SERPINI1: variants seen among roughly 807,000 people sequenced by gnomAD.
The protein encoded by SERPINI1 is neuroserpin.
SERPINI1 carries 19 observed loss-of-function variants against 41.1 expected under a neutral mutation model. The ratio of observed to expected loss-of-function variants is 0.46; its 90% confidence interval spans 0.32 to 0.68. The LOEUF is 0.68. Among genes scored for constraint, SERPINI1 ranks in the 30% least tolerant of loss-of-function variants. SERPINI1 has a pLI of 0.03. For missense variants in SERPINI1, 460 were observed against 479.2 expected (o/e 0.96, Z 0.37); for synonymous variants, 138 against 156.6 (o/e 0.88, Z 0.89).
At chr3:167,805,036 G>A (rs1331079066) in intron 5 of SERPINI1, among the ~76,000 whole-genome samples, 1 of 151,894 alleles carries the variant, frequency 6.6e-6, no homozygotes, top group Non-Finnish European at 1.5e-5. Context: ...TTAAAATAAT[G>A]TTTTATTTTT....
chr3:167,815,463 C>T (rs1340870764), intron 6 of SERPINI1, among the ~76,000 whole-genome samples: 1 of 151,680 alleles, frequency 6.6e-6, no homozygotes, highest in Non-Finnish European at 1.5e-5. Context: ...AATCTTGGCT[C>T]ACTGCAACCT....
intron 6 of SERPINI1, among the ~76,000 whole-genome samples, chr3:167,821,825 A>C (rs1243398436): frequency 6.6e-6 from 1 of 152,216 alleles, no homozygotes; most frequent in Non-Finnish European, 1.5e-5. Flanking sequence ...AAGAGAGAAA[A>C]ATTTTAAGGA....
intron 6 of SERPINI1, among the ~76,000 whole-genome samples, chr3:167,808,160 A>ATAAATAAATAAATAAATAAATAAG (rs1388112579): frequency 5.9e-4 from 90 of 151,562 alleles, no homozygotes; most frequent in African/African-American, 2.2e-3. Flanking sequence ...AAATAAATAA[A>ATAAATAAATAAATAAATAAATAAG]TAGTGGTTTT....
chr3:167,766,108 G>A (rs151014653), intron 1 of SERPINI1, among the ~76,000 whole-genome samples: 1,564 of 151,510 alleles, frequency 0.01, 26 homozygotes, highest in African/African-American at 0.036. Context: ...TTCCAAAGTC[G>A]CTTCCACATT....
At chr3:167,763,434 T>C (rs1163529872) in intron 1 of SERPINI1, among the ~76,000 whole-genome samples, 1 of 151,470 alleles carries the variant, frequency 6.6e-6, no homozygotes, top group Non-Finnish European at 1.5e-5. Flanking sequence ...GGCTCAAGTG[T>C]AGCGGTGTGA....
intron 4 of SERPINI1, 106 bp downstream of exon 4, chr3:167,792,890 G>T (rs1727578542): frequency 1.0e-6 from 1 of 970,736 alleles, no homozygotes. Context: ...TCTAATTTGG[G>T]CTACAATTCA....
intron 1 of SERPINI1, among the ~76,000 whole-genome samples, chr3:167,739,467 T>C (rs1343569449): frequency 4.6e-5 from 7 of 152,334 alleles, no homozygotes; most frequent in Admixed American, 6.5e-5. Flanking sequence ...ACAATTGGAT[T>C]CACACTGTGT....
chr3:167,817,972 C>G (rs1303828563), intron 6 of SERPINI1, among the ~76,000 whole-genome samples: 1 of 151,914 alleles, frequency 6.6e-6, no homozygotes, highest in East Asian at 1.9e-4. Flanking sequence ...AAATTATTCG[C>G]ATAAAAAAGA....
chr3:167,804,069 A>G (rs1711537728), intron 5 of SERPINI1, among the ~76,000 whole-genome samples: 1 of 152,174 alleles, frequency 6.6e-6, no homozygotes, highest in African/African-American at 2.4e-5. Context: ...GACATTCTGT[A>G]TTTTCTTACT....
intron 1 of SERPINI1, among the ~76,000 whole-genome samples, chr3:167,755,477 T>G (rs150780875): frequency 6.6e-6 from 1 of 152,286 alleles, no homozygotes; most frequent in East Asian, 1.9e-4. Flanking sequence ...AAGGGCCCAT[T>G]AAGATAGAGC....
chr3:167,743,664 G>A (rs973133064), intron 1 of SERPINI1, among the ~76,000 whole-genome samples: 1 of 151,938 alleles, frequency 6.6e-6, no homozygotes, highest in Non-Finnish European at 1.5e-5. Context: ...GATTCTATAG[G>A]GGAATATAAC....
intron 5 of SERPINI1, among the ~76,000 whole-genome samples, chr3:167,798,972 C>T (rs539998231): frequency 6.6e-6 from 1 of 151,990 alleles, no homozygotes; most frequent in East Asian, 1.9e-4. Flanking sequence ...ACATACGTAT[C>T]CCTTGAATCT....
At chr3:167,763,396 T>TGTGTGTGTG (rs1559999128) in intron 1 of SERPINI1, among the ~76,000 whole-genome samples, 7 of 151,358 alleles carry the variant, frequency 4.6e-5, no homozygotes, top group Admixed American at 1.3e-4. Flanking sequence ...TGTGTGTGTG[T>TGTGTGTGTG]TGAGACAGGA....
chr3:167,785,879 C>T (rs1353778050), intron 1 of SERPINI1, among the ~76,000 whole-genome samples: 3 of 152,148 alleles, frequency 2.0e-5, no homozygotes, highest in East Asian at 3.9e-4. Context: ...ATACAAGTAT[C>T]ATACAGTAAA....
intron 5 of SERPINI1, among the ~76,000 whole-genome samples, chr3:167,806,369 A>G (rs764762894): frequency 2.0e-5 from 3 of 152,122 alleles, no homozygotes; most frequent in Non-Finnish European, 4.4e-5. Flanking sequence ...ACAAATACCT[A>G]AATGCATGTG....
intron 1 of SERPINI1, among the ~76,000 whole-genome samples, chr3:167,752,130 G>C (rs1163812202): frequency 6.6e-6 from 1 of 152,108 alleles, no homozygotes; most frequent in Non-Finnish European, 1.5e-5. Flanking sequence ...CCTAAGTCTT[G>C]CATGTGTTTG....
chr3:167,814,307 A>T (rs755429075), intron 6 of SERPINI1, among the ~76,000 whole-genome samples: 17 of 152,220 alleles, frequency 1.1e-4, no homozygotes, highest in Non-Finnish European at 1.5e-4. Flanking sequence ...GAATGAATGA[A>T]TGAACCAATA....
chr3:167,821,865 G>A (rs1209611796), intron 6 of SERPINI1, among the ~76,000 whole-genome samples: 2 of 152,188 alleles, frequency 1.3e-5, no homozygotes, highest in African/African-American at 4.8e-5. Flanking sequence ...GGCTTTGGAT[G>A]CTCAAAATCT....
intron 1 of SERPINI1, among the ~76,000 whole-genome samples, chr3:167,776,610 T>C (rs1425653691): frequency 6.6e-6 from 1 of 152,232 alleles, no homozygotes; most frequent in Admixed American, 6.5e-5. Flanking sequence ...TATGGGCTCT[T>C]TGGTCAAGAA....
Sources: gnomAD v4.1 joint callset for allele counts (sites outside exome capture counted in the v4.1 genomes callset) on GRCh38, gnomAD v4.1.1 for gene constraint, MANE v1.5 for transcripts, NCBI Gene and HGNC (gene_info 2026-07-23, HGNC 2026-07-21) for gene names.